RPTOR: variants seen among roughly 807,000 people sequenced by gnomAD.
RPTOR encodes regulatory associated protein of MTOR complex 1.
In RPTOR, 21 loss-of-function variants were observed where a neutral mutation model predicts 169.9. The ratio of observed to expected loss-of-function variants is 0.12; its 90% confidence interval spans 0.09 to 0.18. RPTOR has a LOEUF of 0.18. Among genes scored for constraint, RPTOR ranks in the 10% least tolerant of loss-of-function variants. The pLI, the probability that RPTOR is intolerant of heterozygous loss-of-function variation, is 1.00. For synonymous variants in RPTOR, 732 were observed against 753.2 expected, an observed-to-expected ratio of 0.97 and a Z score of 0.46; for missense variants, 1,133 against 1,855.9, an observed-to-expected ratio of 0.61 and a Z score of 7.16.
At chr17:80,801,175 C>T (rs748963231) in intron 7 of RPTOR, among the ~76,000 whole-genome samples, 1 of 152,170 alleles carries the variant, frequency 6.6e-6, no homozygotes, top group Non-Finnish European at 1.5e-5. Flanking sequence ...CTTGAGAGCA[C>T]GTGGCTATCC....
At chr17:80,566,810 C>T (rs183455919) in intron 1 of RPTOR, among the ~76,000 whole-genome samples, 369 of 109,678 alleles carry the variant, frequency 3.4e-3, no homozygotes, top group East Asian at 0.014. Flanking sequence ...GGCGACAGAG[C>T]GAGACTCCGT....
Position 80,885,957 on chromosome 17 carries a change from G to A in RPTOR, c.1983+809G>A, listed in dbSNP as rs954199813. The stretch of plus-strand genomic sequence containing the variant: ...CCACCCACCCCAGCGCAAAAGGGGC[G>A]TTTAGGAAGACACTGGTTTCCTGAT... On this transcript the variant is annotated intron_variant, in intron 17 of 33. Transcript: ENST00000306801. Among the ~76,000 whole-genome samples, 6 of 152,358 alleles carry A rather than the reference G, an allele frequency of 3.9e-5. 1 individual carries two copies. Among genetic ancestry groups the A allele is most frequent in the Admixed American group, 1.3e-4 (2 of 15,308 alleles).
Position 80,822,213 on chromosome 17 carries a change from C to T in RPTOR, c.903C>T (p.Arg301=). The T allele has an allele frequency of 2.5e-6, 4 of 1,614,216 alleles. No homozygotes were observed. The highest frequency in any genetic ancestry group is 3.4e-6 in the Non-Finnish European group (4 of 1,180,022). The part of the protein sequence containing the change: ...TLDLIEKIPG[R]LNDRRTPLGE... ...CCTTGTTTTCTAGGATCCCTGGCCG[C>T]CTGAACGACAGGAGGACGCCCCTGG... Residue 301 remains arginine (R), a synonymous_variant, in exon 8 of 34, where the codon CGC becomes CGT. Transcript: ENST00000306801.
chr17:80,547,809 G>T (rs1225594135), intron 1 of RPTOR, among the ~76,000 whole-genome samples: 1 of 152,088 alleles, frequency 6.6e-6, no homozygotes, highest in Non-Finnish European at 1.5e-5. Context: ...AAGAATAATG[G>T]CATAGGTTCA....
intron 24 of RPTOR, among the ~76,000 whole-genome samples, chr17:80,930,778 C>T (rs534541100): frequency 1.3e-5 from 2 of 152,348 alleles, no homozygotes; most frequent in South Asian, 2.1e-4. Context: ...TCAGCCACCA[C>T]CAGCTGGACT....
rs2143622038 is a variant in RPTOR, at chr17:80,651,734, A to G, written c.348+7924A>G. The stretch of plus-strand genomic sequence containing the variant: ...TGTCTCTACTAAAAATATTTAAAAA[A>G]TGGCCAGGCACGGTGGCTCACGCCT... On this transcript the variant is annotated intron_variant, in intron 3 of 33. Coordinates refer to ENST00000306801, the MANE Select transcript of RPTOR (RefSeq NM_020761.3). This position sits in a 1 kb window ranked among gnomAD's most constrained non-coding sequence, Gnocchi z 4.1. Among the ~76,000 whole-genome samples, 2 of 151,944 alleles carry G rather than the reference A, an allele frequency of 1.3e-5. 1 individual carries two copies. The highest frequency in any genetic ancestry group is 1.3e-4 in the Admixed American group (2 of 15,280).
At chr17:80,576,724 G>A (rs1245009636) in intron 1 of RPTOR, among the ~76,000 whole-genome samples, 1 of 152,110 alleles carries the variant, frequency 6.6e-6, no homozygotes, top group Non-Finnish European at 1.5e-5. Context: ...GTTTTTTTGA[G>A]ACAGGGTCTC....
intron 19 of RPTOR, among the ~76,000 whole-genome samples, chr17:80,893,374 A>C (rs1337254381): frequency 1.6e-5 from 2 of 122,552 alleles, no homozygotes; most frequent in Non-Finnish European, 3.3e-5. Flanking sequence ...GTGTGTGTGC[A>C]CAAGGGTGTG....
At chr17:80,961,237 GACCCTGCGTGAGC>G (rs1376160873) in intron 30 of RPTOR, among the ~76,000 whole-genome samples, 144 bp from the exon 31 acceptor site, 1 of 152,210 alleles carries the variant, frequency 6.6e-6, no homozygotes, top group Non-Finnish European at 1.5e-5. Context: ...AGGGGGCTCT[GACCCTGCGTGAGC>G]ACTAGCCCCT....
rs561636886 is a variant in RPTOR at position 80,965,992 on chromosome 17, G to A, written c.*1662G>A. The A allele has an allele frequency of 8.1e-5, 19 of 233,292 alleles. No homozygotes were observed. The Admixed American group carries it at 9.6e-4, about 12-fold the overall frequency. The allele number at this position is 233,292 out of a possible 1,614,324, so 14.5% of individuals were successfully genotyped here. A position where few individuals can be genotyped will look rare whatever the true frequency, so the allele number is the denominator to read the frequency against. On this transcript the variant is annotated 3_prime_UTR_variant, in exon 34 of 34. Transcript: ENST00000306801. ...AACACCAGAATCTTCCAGAAGCCCA[G>A]CTCCACCCGCACACGCAGCTTCCCA...
In RPTOR at chr17:80,872,828, G is replaced by A. The variant is rs371562650; in HGVS notation, c.1510-7587G>A. 7.2e-5 allele frequency among the ~76,000 whole-genome samples: 11 copies of A among 152,124 alleles called. No homozygotes were observed. In the East Asian group the frequency reaches 2.1e-3, roughly 29 times the overall value. On this transcript the variant is annotated intron_variant, in intron 13 of 33. Coordinates refer to ENST00000306801, the MANE Select transcript of RPTOR (RefSeq NM_020761.3). ...TGGAGGTAGCACGGCAGGCTGTGCC[G>A]AGGGCGACCACAGAGGCTGTCTCTG...
At chr17:80,711,899 A>G (rs901628930) in intron 4 of RPTOR, among the ~76,000 whole-genome samples, 8 of 151,808 alleles carry the variant, frequency 5.3e-5, no homozygotes, top group Non-Finnish European at 8.8e-5. Flanking sequence ...GCCCGCCGCC[A>G]CGCCCGGCTA....
chr17:80,656,733 G>T (rs2065682455), intron 3 of RPTOR, among the ~76,000 whole-genome samples: 1 of 152,192 alleles, frequency 6.6e-6, no homozygotes, highest in East Asian at 1.9e-4. Context: ...ATTTGTTTCT[G>T]TGCCATGCGT....
At position 80,609,248 on chromosome 17, in the gene RPTOR, C is replaced by T. The variant is rs1213768274; in HGVS notation, c.163-16443C>T. 6.6e-6 allele frequency among the ~76,000 whole-genome samples: 1 copy of T among 152,154 alleles called. No homozygotes were observed. The highest frequency in any genetic ancestry group is 1.9e-4 in the East Asian group (1 of 5,190). ...GGCCCACAGAATTCTGCACTGTGAG[C>T]AGCGCAGGTCGGAAGAGGCATTTGG... On this transcript the variant is annotated intron_variant, in intron 1 of 33. Transcript: ENST00000306801. The surrounding 1 kb of genome is among the most constrained non-coding windows in gnomAD (Gnocchi z 4.8).
intron 11 of RPTOR, among the ~76,000 whole-genome samples, chr17:80,855,165 T>C (rs1242233823): frequency 1.3e-5 from 2 of 152,226 alleles, no homozygotes; most frequent in African/African-American, 4.8e-5. Flanking sequence ...ATGTCTGAGT[T>C]CATATACCTA....
intron 9 of RPTOR, among the ~76,000 whole-genome samples, chr17:80,825,532 G>A (rs2067432761): frequency 6.6e-6 from 1 of 152,228 alleles, no homozygotes; most frequent in Non-Finnish European, 1.5e-5. Flanking sequence ...GCCCTTCCCT[G>A]CCCAGAAAAA....
In RPTOR at chr17:80,860,958, C is replaced by A. The variant is rs1185829959; in HGVS notation, c.1509+3058C>A. ...CAGCACAGCTGAGGTTGACCTTGAC[C>A]TCAGTTCAACCTTGAACCCTCCTGG... On this transcript the variant is annotated intron_variant, in intron 13 of 33. Transcript: ENST00000306801. This position sits in a 1 kb window ranked among gnomAD's most constrained non-coding sequence, Gnocchi z 5.8. Among the ~76,000 whole-genome samples the A allele has an allele frequency of 6.9e-6, 1 of 145,530 alleles. No individual in the cohort carries two copies. Among genetic ancestry groups the A allele is most frequent in the Non-Finnish European group, 1.6e-5 (1 of 64,314 alleles).
Position 80,659,062 on chromosome 17 carries a change from C to T in RPTOR, c.348+15252C>T, listed in dbSNP as rs1490713354. ...ACTAGACAGAGGCCAGTATTTGTGCCGAGAGCCACAGGGCTCACCCGTGGA... is the reference window on the plus strand; with the variant it reads ...ACTAGACAGAGGCCAGTATTTGTGCTGAGAGCCACAGGGCTCACCCGTGGA... On this transcript the variant is annotated intron_variant, in intron 3 of 33. Coordinates refer to ENST00000306801, the MANE Select transcript of RPTOR (RefSeq NM_020761.3). This position sits in a 1 kb window ranked among gnomAD's most constrained non-coding sequence, Gnocchi z 4.3. Among the ~76,000 whole-genome samples, 1 of 152,112 alleles carries T rather than the reference C, an allele frequency of 6.6e-6. No homozygotes were observed. Among genetic ancestry groups the T allele is most frequent in the Non-Finnish European group, 1.5e-5 (1 of 68,038 alleles).
intron 3 of RPTOR, among the ~76,000 whole-genome samples, chr17:80,649,871 C>CT (rs1439151537): frequency 6.6e-6 from 1 of 152,160 alleles, no homozygotes; most frequent in African/African-American, 2.4e-5. Flanking sequence ...AGCCAGAAGC[C>CT]TTCGTAGTCA....
Sources: allele counts gnomAD v4.1 joint callset (sites outside exome capture counted in the v4.1 genomes callset), GRCh38; gene constraint gnomAD v4.1.1; non-coding constraint Gnocchi (gnomAD v3.1); transcripts MANE v1.5; gene names NCBI Gene and HGNC (gene_info 2026-07-23, HGNC 2026-07-21).